Variants in ANKRD6 observed in about 807,000 individuals in gnomAD.
ANKRD6 encodes ankyrin repeat domain-containing protein 6.
ANKRD6 carries 56 observed loss-of-function variants against 82.3 expected under a neutral mutation model. The ratio of observed to expected loss-of-function variants is 0.68; its 90% CI spans 0.55 to 0.85. The LOEUF is 0.85. Ranked by LOEUF, ANKRD6 falls within the 40% of genes least tolerant of loss-of-function variation. The pLI is 0.00. For missense variants in ANKRD6, 852 were observed against 907.6 expected (o/e 0.94, Z 0.79); for synonymous variants, 347 against 352.1 (o/e 0.99, Z 0.16).
At chr6:89,608,105 G>A (rs866913877) in intron 5 of ANKRD6, among the ~76,000 whole-genome samples, 15 of 152,196 alleles carry the variant, frequency 9.9e-5, no homozygotes, top group African/African-American at 2.9e-4. Flanking sequence ...ATAAAAAAGC[G>A]TTATCAGTAC....
chr6:89,462,209 G>C (rs1467460544), intron 1 of ANKRD6, among the ~76,000 whole-genome samples: 1 of 147,092 alleles, frequency 6.8e-6, no homozygotes, highest in East Asian at 2.0e-4. Flanking sequence ...TCCAGCCTGG[G>C]CAACAGAGTG....
rs201010261 is a variant in ANKRD6, at chr6:89,617,904, G to A, written c.715-50G>A. 3,639 of 1,565,660 alleles carry A rather than the reference G, an allele frequency of 2.3e-3. 7 individuals carry two copies. The highest frequency in any genetic ancestry group is 2.9e-3 in the Non-Finnish European group (3,328 of 1,137,742). ...GAGCTGTGCCAGCTGGGCTATGTGC[G>A]TGTGGGACCCGTGGCCCTTTCTCAC... On this transcript the variant is annotated intron_variant, in intron 8 of 15. Transcript: ENST00000339746.
Position 89,578,398 on chromosome 6 carries a change from C to T in ANKRD6, c.120+11302C>T, listed in dbSNP as rs949453414. On this transcript the variant is annotated intron_variant, in intron 2 of 15. Coordinates refer to ENST00000339746, the MANE Select transcript of ANKRD6 (RefSeq NM_001242809.2). ...GTAACCTCCACCTCCCGGGTTGAAG[C>T]GATTCTCCTGCCTCAGCCTCTTGAG... Among the ~76,000 whole-genome samples, 5 of 143,034 alleles carry T rather than the reference C, an allele frequency of 3.5e-5. No homozygotes were observed. In the Middle Eastern group the frequency reaches 0.011, roughly 328 times the overall value. 93.8% of individuals were successfully genotyped at this position (143,034 alleles called of 152,430 possible).
At chr6:89,470,202 A>G (rs967267219) in intron 1 of ANKRD6, among the ~76,000 whole-genome samples, 3 of 152,230 alleles carry the variant, frequency 2.0e-5, no homozygotes, top group Non-Finnish European at 4.4e-5. Flanking sequence ...ATGCTGTTCT[A>G]TGACCTGCTT....
intron 2 of ANKRD6, among the ~76,000 whole-genome samples, chr6:89,567,797 A>T (rs1375637802): frequency 2.0e-5 from 3 of 152,144 alleles, no homozygotes; most frequent in African/African-American, 7.2e-5. Context: ...TTCTCTTCTC[A>T]TTCCTGTTTT....
At chr6:89,594,939 A>T (rs1032095979) in intron 2 of ANKRD6, among the ~76,000 whole-genome samples, 8 of 152,018 alleles carry the variant, frequency 5.3e-5, no homozygotes, top group Non-Finnish European at 1.2e-4. Flanking sequence ...TTTTATAGAG[A>T]TAGGGTCTCG....
rs532945396 is a variant in ANKRD6, at chr6:89,599,931, C to T, written c.220-3098C>T. Among the ~76,000 whole-genome samples, 15 of 152,152 alleles carry T rather than the reference C, an allele frequency of 9.9e-5. No homozygotes were observed. In the East Asian group the frequency reaches 2.3e-3, roughly 24 times the overall value. ...GCAGTGTTTATCTGACCCGGGCTCT[C>T]GGTGAGGTCTCTGTCTGAGAGGACG... On this transcript the variant is annotated intron_variant, in intron 3 of 15. Coordinates refer to ENST00000339746, the MANE Select transcript of ANKRD6 (RefSeq NM_001242809.2).
intron 1 of ANKRD6, among the ~76,000 whole-genome samples, chr6:89,536,388 C>G (rs147932421): frequency 2.8e-3 from 424 of 152,354 alleles, no homozygotes; most frequent in African/African-American, 9.6e-3. Flanking sequence ...GCTGCCCTTT[C>G]TCAGTAAAGC....
At position 89,623,893 on chromosome 6, in the gene ANKRD6, A is replaced by C. The variant is rs759042899; in HGVS notation, c.1054A>C (p.Thr352Pro). ...RPKVSAFSDP[T>P]PPADQQPGHQ... is the part of the protein sequence containing the mutation. The stretch of plus-strand genomic sequence containing the variant: ...ACAGGTGTCAGCATTTTCTGACCCC[A>C]CCCCACCAGCCGACCAACAGCCTGG... The change falls in exon 12 of 16, where the codon ACC becomes CCC. Residue 352 changes from threonine (T) to proline (P), a missense_variant. Thr to Pro is a conservative substitution (Grantham distance 38). Transcript: ENST00000339746. 3.7e-6 allele frequency: 6 copies of C among 1,613,216 alleles called. No homozygotes were observed. The highest frequency in any genetic ancestry group is 5.1e-6 in the Non-Finnish European group (6 of 1,179,564).
At chr6:89,508,287 T>A (rs758039788) in intron 1 of ANKRD6, among the ~76,000 whole-genome samples, 3 of 152,208 alleles carry the variant, frequency 2.0e-5, no homozygotes, top group Non-Finnish European at 4.4e-5. Flanking sequence ...TGATTGAGCC[T>A]GGACAATCTG....
chr6:89,535,107 A>T (rs1783657803), intron 1 of ANKRD6, among the ~76,000 whole-genome samples: 2 of 152,232 alleles, frequency 1.3e-5, no homozygotes, highest in Admixed American at 6.5e-5. Context: ...CTTAAACAAG[A>T]GTAAAGTTCT....
At chr6:89,488,042 C>T (rs547064085) in intron 1 of ANKRD6, among the ~76,000 whole-genome samples, 1 of 152,240 alleles carries the variant, frequency 6.6e-6, no homozygotes, top group African/African-American at 2.4e-5. Context: ...ATACTAAGTC[C>T]TGGCCCAGGA....
At chr6:89,583,672 G>A (rs1420533529) in intron 2 of ANKRD6, among the ~76,000 whole-genome samples, 4 of 152,226 alleles carry the variant, frequency 2.6e-5, no homozygotes, top group Non-Finnish European at 4.4e-5. Context: ...CATCTTAGGA[G>A]AGGCTATTAG....
At chr6:89,566,689 T>C in intron 1 of ANKRD6, 145 bp from the exon 2 acceptor site, 1 of 331,064 alleles carries the variant, frequency 3.0e-6, no homozygotes. Flanking sequence ...TGCTGTGGAG[T>C]GTGCTTCCTG....
intron 1 of ANKRD6, among the ~76,000 whole-genome samples, chr6:89,564,282 A>G (rs1453221535): frequency 6.6e-6 from 1 of 152,144 alleles, no homozygotes. Flanking sequence ...AGGGGATGGA[A>G]TGAGAGAGGA....
At chr6:89,547,027 T>C (rs1785180067) in intron 1 of ANKRD6, among the ~76,000 whole-genome samples, 1 of 152,120 alleles carries the variant, frequency 6.6e-6, no homozygotes, top group South Asian at 2.1e-4. Context: ...AGTGACGTGA[T>C]CACGGCTCAT....
intron 1 of ANKRD6, among the ~76,000 whole-genome samples, chr6:89,475,656 A>G (rs560590068): frequency 5.3e-5 from 8 of 152,280 alleles, no homozygotes; most frequent in African/African-American, 1.9e-4. Context: ...CACAGCCCCC[A>G]GCCTCCCACT....
At chr6:89,598,559 C>G in intron 3 of ANKRD6, 1 of 246,494 alleles carries the variant, frequency 4.1e-6, no homozygotes, top group Non-Finnish European at 6.5e-6. Context: ...AATCTGCCAA[C>G]ACTACACTCA....
intron 1 of ANKRD6, among the ~76,000 whole-genome samples, chr6:89,496,110 C>T (rs917522091): frequency 3.3e-5 from 5 of 151,982 alleles, no homozygotes; most frequent in East Asian, 1.9e-4. Flanking sequence ...ATGAAGACTC[C>T]GGAGTTGTGC....
Sources: allele counts gnomAD v4.1 joint callset (sites outside exome capture counted in the v4.1 genomes callset), GRCh38; gene constraint gnomAD v4.1.1; transcripts MANE v1.5; gene names NCBI Gene and HGNC (gene_info 2026-07-23, HGNC 2026-07-21).